LTBP2: variants seen among roughly 807,000 people sequenced by gnomAD.
LTBP2 encodes latent transforming growth factor beta binding protein 2, also known as latent-transforming growth factor beta-binding protein 2.
In LTBP2, 103 loss-of-function variants were observed where a neutral mutation model predicts 210.6. The observed-to-expected ratio is 0.49, with a 90% confidence interval of 0.42 to 0.58. The LOEUF (loss-of-function observed/expected upper bound fraction) is 0.58. Among genes scored for constraint, LTBP2 ranks in the 20% least tolerant of loss-of-function variants. LTBP2 has a pLI of 0.00. For synonymous variants in LTBP2, 1,007 were observed against 1,015.0 expected (o/e 0.99, Z 0.15); for missense variants, 2,313 against 2,494.5 (o/e 0.93, Z 1.55).
chr14:74,529,065 G>C lies in LTBP2; in HGVS notation c.2045C>G (p.Thr682Ser). 1 of 1,562,824 alleles carries C rather than the reference G, an allele frequency of 6.4e-7. No homozygotes were observed. The highest frequency in any genetic ancestry group is 2.4e-5 in the East Asian group (1 of 41,966). Residue 682 changes from threonine to serine, a missense_variant, in exon 11 of 36, where the codon ACC becomes AGC. Thr to Ser is a moderately conservative substitution (Grantham distance 58). Transcript: ENST00000261978. The part of the protein sequence containing the change: ...GLCYRSLGPG[T>S]CTLPLAQRIT... The stretch of plus-strand genomic sequence containing the variant: ...CCGCTGGGCCAAAGGCAGGGTGCAG[G>C]TGCCGGGCCCCAGCGACCGGTAGCA...
intron 3 of LTBP2, among the ~76,000 whole-genome samples, chr14:74,567,040 C>T (rs1439575323): frequency 6.6e-6 from 1 of 152,222 alleles, no homozygotes; most frequent in Non-Finnish European, 1.5e-5. Context: ...CCAGACCACA[C>T]CCTGCCCTGC....
chr14:74,592,928 G>A (rs1364091773), intron 2 of LTBP2, among the ~76,000 whole-genome samples: 1 of 152,032 alleles, frequency 6.6e-6, no homozygotes, highest in Non-Finnish European at 1.5e-5. Flanking sequence ...CGTAATTTGG[G>A]CTCCTCCAGG....
intron 20 of LTBP2, 54 bp downstream of exon 20, chr14:74,510,037 G>C (rs899850702): frequency 4.3e-5 from 70 of 1,613,408 alleles, no homozygotes; most frequent in Non-Finnish European, 5.8e-5. Flanking sequence ...CAGAGGGGAG[G>C]GAGCCACAAG....
intron 30 of LTBP2, 140 bp from the exon 31 acceptor site, chr14:74,504,194 G>A (rs1332485556): frequency 1.3e-5 from 13 of 990,246 alleles, no homozygotes; most frequent in African/African-American, 4.8e-5. Flanking sequence ...GCTTAAGTTC[G>A]CCTTGCCTCC....
rs1186271215 is a variant in LTBP2, at chr14:74,528,597, G to A, written c.2254C>T (p.Pro752Ser). ...RKAEEEELAR[P>S]PREQGQRSSG... The stretch of plus-strand genomic sequence containing the variant: ...CTCCTCTGCCCTTGCTCCCTTGGGG[G>A]CCTTGCCAGTTCCTCCTCCTCGGCT... Residue 752 changes from proline (P) to serine (S), a missense_variant, in exon 12 of 36, where the codon CCC becomes TCC. Coordinates refer to ENST00000261978, the MANE Select transcript of LTBP2 (RefSeq NM_000428.3). 3.1e-6 allele frequency: 5 copies of A among 1,613,576 alleles called. No homozygotes were observed. Among genetic ancestry groups the A allele is most frequent in the Non-Finnish European group, 4.2e-6 (5 of 1,180,052 alleles).
chr14:74,542,561 C>A (rs953319833), intron 8 of LTBP2, among the ~76,000 whole-genome samples: 2 of 152,160 alleles, frequency 1.3e-5, no homozygotes, highest in Non-Finnish European at 2.9e-5. Context: ...ACATGCCTGG[C>A]GAGGCCAAGC....
At chr14:74,512,105 G>A (rs1034332763) in intron 18 of LTBP2, among the ~76,000 whole-genome samples, 6 of 152,184 alleles carry the variant, frequency 3.9e-5, no homozygotes, top group Admixed American at 6.5e-5. Flanking sequence ...AGTTCTCCCC[G>A]GAGCCGAGGA....
chr14:74,528,587 T>A lies in LTBP2; in HGVS notation c.2264A>T (p.Glu755Val). 1 of 1,613,530 alleles carries A rather than the reference T, an allele frequency of 6.2e-7. No homozygotes were observed. Among genetic ancestry groups the A allele is most frequent in the South Asian group, 1.1e-5 (1 of 91,078 alleles). The stretch of plus-strand genomic sequence containing the variant: ...TGCCCCGCTGCTCCTCTGCCCTTGC[T>A]CCCTTGGGGGCCTTGCCAGTTCCTC... ...EEEELARPPREQGQRSSGALP... is the reference protein window; with the variant it reads ...EEEELARPPRVQGQRSSGALP... Residue 755 changes from glutamate to valine, a missense_variant, in exon 12 of 36, where the codon GAG becomes GTG. By Grantham distance (121) the Glu-to-Val change is moderately radical. This residue lies in a region of LTBP2 where 1,867 missense variants were observed against 1,976.9 expected (regional missense o/e 0.94). Transcript: ENST00000261978.
At position 74,555,576 on chromosome 14, in the gene LTBP2, G is replaced by A; in HGVS notation, c.948C>T (p.Pro316=). 2 of 1,612,600 alleles carry A rather than the reference G, an allele frequency of 1.2e-6. No homozygotes were observed. Among genetic ancestry groups the A allele is most frequent in the Non-Finnish European group, 8.5e-7 (1 of 1,179,162 alleles). ...CTCTCTGCTCAAGGCCTGGTCCCGGGGGCAGGGCGTTGGAAGAGAGCTGGC... is the reference window on the plus strand; with the variant it reads ...CTCTCTGCTCAAGGCCTGGTCCCGGAGGCAGGGCGTTGGAAGAGAGCTGGC... The part of the protein sequence containing the change: ...ASSQLSSNAL[P]PGPGLEQRDG... The change falls in exon 4 of 36, where the codon CCC becomes CCT. Residue 316 remains proline, a synonymous_variant. Transcript: ENST00000261978.
intron 16 of LTBP2, 143 bp downstream of exon 16, chr14:74,522,647 A>C: frequency 1.0e-6 from 1 of 987,894 alleles, no homozygotes; most frequent in Admixed American, 3.0e-5. Flanking sequence ...CTTAGTCCAC[A>C]GGGACTGTGC....
In LTBP2 at chr14:74,544,787, C is replaced by G. The variant is rs114411089; in HGVS notation, c.1789+5076G>C. Among the ~76,000 whole-genome samples, 835 of 152,320 alleles carry G rather than the reference C, an allele frequency of 5.5e-3. 16 individuals are homozygous for G. Among genetic ancestry groups the G allele is most frequent in the African/African-American group, 0.019 (804 of 41,558 alleles). On this transcript the variant is annotated intron_variant, in intron 8 of 35. Transcript: ENST00000261978. ...AATCTGTTCTTGGTAGTCATTCTCC[C>G]TGTGATCTGGAGCCCACTACTTTTA... is the stretch of plus-strand genomic sequence containing the variant.
At chr14:74,553,218 G>A (rs772991692) in intron 4 of LTBP2, among the ~76,000 whole-genome samples, 156 bp from the exon 5 acceptor site, 3 of 152,204 alleles carry the variant, frequency 2.0e-5, no homozygotes, top group Non-Finnish European at 2.9e-5. Context: ...GTAGGGGCAA[G>A]GTGATACCTT....
At position 74,505,065 on chromosome 14, in the gene LTBP2, C is replaced by G. The variant is rs2086963572; in HGVS notation, c.4287G>C (p.Arg1429=). ...AGCAGCATTCAGCCTGTGTGGTGTTCCGGCCCAGGACACTGGAGCAGGGCG... is the reference window on the plus strand; with the variant it reads ...AGCAGCATTCAGCCTGTGTGGTGTTGCGGCCCAGGACACTGGAGCAGGGCG... ...GHAPCSSVLG[R]NTTQAECCCT... Residue 1429 remains arginine, a synonymous_variant, in exon 29 of 36, where the codon CGG becomes CGC. Transcript: ENST00000261978. 2 of 1,614,152 alleles carry G rather than the reference C, an allele frequency of 1.2e-6. No homozygotes were observed. The highest frequency in any genetic ancestry group is 1.7e-6 in the Non-Finnish European group (2 of 1,180,038).
chr14:74,608,745 G>T (rs1021973948), intron 1 of LTBP2, among the ~76,000 whole-genome samples: 5 of 116,390 alleles, frequency 4.3e-5, no homozygotes, highest in Non-Finnish European at 3.6e-5. Flanking sequence ...AAGAAAGAAA[G>T]AATAAAGAAA....
In LTBP2 at chr14:74,530,570, T is replaced by C. The variant is rs115209486; in HGVS notation, c.1988-1448A>G. On this transcript the variant is annotated intron_variant, in intron 10 of 35. Coordinates refer to ENST00000261978, the MANE Select transcript of LTBP2 (RefSeq NM_000428.3). ...CTTGTCTATTGCCCAGGCTGCAGTA[T>C]AGTGGCACGATCTCGGCTCACTGCA... Among the ~76,000 whole-genome samples, 1,022 of 152,324 alleles carry C rather than the reference T, an allele frequency of 6.7e-3. 25 individuals are homozygous for C. Among genetic ancestry groups the C allele is most frequent in the African/African-American group, 0.023 (966 of 41,578 alleles).
At chr14:74,531,526 C>A (rs1335905688) in intron 10 of LTBP2, among the ~76,000 whole-genome samples, 1 of 152,202 alleles carries the variant, frequency 6.6e-6, no homozygotes, top group Non-Finnish European at 1.5e-5. Context: ...TCTCTGGGCA[C>A]CCCCCTCCTA....
intron 17 of LTBP2, 95 bp downstream of exon 17, chr14:74,521,816 T>G: frequency 6.5e-7 from 1 of 1,530,956 alleles, no homozygotes. Flanking sequence ...CTCCCCATTC[T>G]GCGGCACGGT....
chr14:74,558,769 A>C (rs2087759690), intron 3 of LTBP2, among the ~76,000 whole-genome samples: 1 of 152,202 alleles, frequency 6.6e-6, no homozygotes, highest in Non-Finnish European at 1.5e-5. Context: ...AAATCCCTTA[A>C]GGGCCAGTTG....
intron 17 of LTBP2, 106 bp from the exon 18 acceptor site, chr14:74,517,047 T>C (rs968195593): frequency 5.6e-6 from 8 of 1,420,356 alleles, no homozygotes; most frequent in African/African-American, 4.2e-5. Flanking sequence ...AAGGATGCCA[T>C]GCTGAGGCCT....
Sources: gnomAD v4.1 joint callset for allele counts (sites outside exome capture counted in the v4.1 genomes callset) on GRCh38, gnomAD v4.1.1 for gene constraint, gnomAD v4.1.1 regional missense constraint, MANE v1.5 for transcripts, NCBI Gene and HGNC (gene_info 2026-07-23, HGNC 2026-07-21) for gene names.